VPS13D: variants seen among roughly 807,000 people sequenced by gnomAD.
VPS13D encodes intermembrane lipid transfer protein VPS13D.
Under a neutral mutation model 461.9 loss-of-function variants are expected in VPS13D, and 187 were observed. That is an observed-to-expected ratio of 0.40 (90% confidence interval 0.36 to 0.46). The LOEUF is 0.46. VPS13D is among the 20% of genes least tolerant of loss of function. The pLI is 0.60. For missense variants in VPS13D, 4,711 were observed against 5,364.9 expected (o/e 0.88, Z 3.81); for synonymous variants, 1,951 against 1,986.3 (o/e 0.98, Z 0.47).
Position 12,282,720 on chromosome 1 carries a change from C to A in VPS13D, c.4618C>A (p.His1540Asn). The A allele has an allele frequency of 6.2e-7, 1 of 1,605,362 alleles. No individual in the cohort carries two copies. The highest frequency in any genetic ancestry group is 8.5e-7 in the Non-Finnish European group (1 of 1,173,418). Reference sequence around the variant, plus strand: ...TTCAATACAGGTGGTGTTAGCAAAGCATGTATATGAGCAGGTTTTACAAAC... The same window carrying A: ...TTCAATACAGGTGGTGTTAGCAAAGAATGTATATGAGCAGGTTTTACAAAC... ...VNPVQVVLAK[H>N]VYEQVLQTLD... The change falls in exon 21 of 70, where the codon CAT becomes AAT. Residue 1540 changes from histidine to asparagine, a missense_variant. By Grantham distance (68) the His-to-Asn change is moderately conservative. Around this residue, in one of 3 missense-constraint regions of VPS13D, gnomAD observed 4,411 missense variants for 4,937.8 expected, o/e 0.89. Coordinates refer to ENST00000620676, the MANE Select transcript of VPS13D (RefSeq NM_015378.4).
At chr1:12,371,092 G>A (rs1268435207) in intron 54 of VPS13D, among the ~76,000 whole-genome samples, 4 of 152,054 alleles carry the variant, frequency 2.6e-5, no homozygotes, top group Non-Finnish European at 1.5e-5. Context: ...GTATTTTAAA[G>A]TGAACAGTTC....
At chr1:12,469,351 G>T (rs1016911723) in intron 67 of VPS13D, among the ~76,000 whole-genome samples, 2 of 152,154 alleles carry the variant, frequency 1.3e-5, no homozygotes, top group Non-Finnish European at 2.9e-5. Flanking sequence ...GAGTTTTCCA[G>T]AAGCTACACA....
intron 63 of VPS13D, among the ~76,000 whole-genome samples, chr1:12,404,884 T>G (rs956244043): frequency 1.6e-4 from 25 of 152,146 alleles, no homozygotes; most frequent in African/African-American, 5.8e-4. Context: ...CTTGGACCCA[T>G]TGGTTCTGGT....
At chr1:12,290,498 G>A (rs1447782541) in intron 22 of VPS13D, among the ~76,000 whole-genome samples, 1 of 152,046 alleles carries the variant, frequency 6.6e-6, no homozygotes, top group African/African-American at 2.4e-5. Flanking sequence ...CAAGGCGGGC[G>A]GATCATGAGG....
chr1:12,506,810 G>T (rs766381476), intron 68 of VPS13D, 43 bp from the exon 69 acceptor site: 1 of 1,595,532 alleles, frequency 6.3e-7, no homozygotes, highest in South Asian at 1.1e-5. Context: ...GATGCTGGGC[G>T]AAGCCCCAGG....
At position 12,279,663 on chromosome 1, in the gene VPS13D, CA is replaced by C. The variant is rs772421948; in HGVS notation, c.4602+14del. On this transcript the variant is annotated intron_variant, in intron 20 of 69. Coordinates refer to ENST00000620676, the MANE Select transcript of VPS13D (RefSeq NM_015378.4). This position sits in a 1 kb window ranked among gnomAD's most constrained non-coding sequence, Gnocchi z 4.3. Reference sequence around the variant, plus strand: ...CAATCCAGTTCAGGTAAATTCATGTCAGGGCAGTTGAAGTCATATGTTTATA... The same window carrying C: ...CAATCCAGTTCAGGTAAATTCATGTCGGGCAGTTGAAGTCATATGTTTATA... 3 of 1,603,254 alleles carry C rather than the reference CA, an allele frequency of 1.9e-6. No individual in the cohort carries two copies. The African/African-American group carries it at 4.0e-5, about 21-fold the overall frequency.
At chr1:12,316,534 A>C (rs920791947) in intron 30 of VPS13D, among the ~76,000 whole-genome samples, 2 of 152,200 alleles carry the variant, frequency 1.3e-5, no homozygotes, top group Non-Finnish European at 2.9e-5. Flanking sequence ...TACTGAGGGC[A>C]ACATTTTTTC....
chr1:12,416,613 A>G, intron 64 of VPS13D, 47 bp from the exon 65 acceptor site: 1 of 1,583,316 alleles, frequency 6.3e-7, no homozygotes, highest in Non-Finnish European at 8.6e-7. Context: ...ATCTGCAAAT[A>G]TAAGTAGATG....
intron 65 of VPS13D, among the ~76,000 whole-genome samples, chr1:12,419,860 T>A (rs1013909427): frequency 1.3e-5 from 2 of 152,210 alleles, no homozygotes; most frequent in Non-Finnish European, 2.9e-5. Context: ...TCATAGAGTA[T>A]ACTTACACAA....
At chr1:12,458,885 T>C (rs1645366157) in intron 66 of VPS13D, among the ~76,000 whole-genome samples, 1 of 152,248 alleles carries the variant, frequency 6.6e-6, no homozygotes, top group Non-Finnish European at 1.5e-5. Context: ...GCTGTCAACT[T>C]GCAAAATGTT....
intron 46 of VPS13D, among the ~76,000 whole-genome samples, chr1:12,349,694 A>G (rs535479234): frequency 8.5e-5 from 13 of 152,204 alleles, no homozygotes; most frequent in Non-Finnish European, 1.6e-4. Flanking sequence ...GAAAATAACG[A>G]GTTCTCATTC....
intron 1 of VPS13D, among the ~76,000 whole-genome samples, chr1:12,232,637 C>CTTTTTTT (rs772757546): frequency 3.8e-4 from 27 of 71,012 alleles, no homozygotes; most frequent in Middle Eastern, 9.8e-3. Context: ...TAAAATTAGT[C>CTTTTTTT]TTTTTTTTTT....
In VPS13D at chr1:12,505,466, A is replaced by C. The variant is rs1041872400; in HGVS notation, c.12795-1387A>C. Among the ~76,000 whole-genome samples the C allele has an allele frequency of 2.6e-5, 4 of 152,248 alleles. No individual in the cohort carries two copies. Among genetic ancestry groups the C allele is most frequent in the African/African-American group, 9.6e-5 (4 of 41,466 alleles). ...CATTGCCAACCAGTTAGAATAGAAC[A>C]ATAAATCCCAGTTTTTGTCATGGGC... On this transcript the variant is annotated intron_variant, in intron 68 of 69. Transcript: ENST00000620676. This position sits in a 1 kb window ranked among gnomAD's most constrained non-coding sequence, Gnocchi z 4.2.
chr1:12,450,409 G>A lies in VPS13D; in HGVS notation c.12334-5589G>A, dbSNP rs534926673. On this transcript the variant is annotated intron_variant, in intron 65 of 69. Coordinates refer to ENST00000620676, the MANE Select transcript of VPS13D (RefSeq NM_015378.4). ...GATTAGAATTAGAGCTGTGCTGGTA[G>A]CTGAGGTTTGCAGCTGTACAACCTT... Among the ~76,000 whole-genome samples, 3 of 152,314 alleles carry A rather than the reference G, an allele frequency of 2.0e-5. No homozygotes were observed. The East Asian group carries it at 5.8e-4, about 29-fold the overall frequency.
At chr1:12,281,889 A>T (rs1018526728) in intron 20 of VPS13D, among the ~76,000 whole-genome samples, 12 of 144,266 alleles carry the variant, frequency 8.3e-5, no homozygotes, top group Admixed American at 2.1e-4. Flanking sequence ...TTGCCTGAAA[A>T]TTTTTTTTTT....
At chr1:12,387,279 G>A (rs543800458) in intron 60 of VPS13D, among the ~76,000 whole-genome samples, 8 of 152,308 alleles carry the variant, frequency 5.3e-5, no homozygotes, top group East Asian at 3.9e-4. Context: ...AGGAAGATCC[G>A]AAAGAATCAA....
chr1:12,343,141 A>G, intron 42 of VPS13D, 90 bp downstream of exon 42: 1 of 1,068,300 alleles, frequency 9.4e-7, no homozygotes, highest in Non-Finnish European at 1.3e-6. Flanking sequence ...TTCCTTATAA[A>G]TGATTTTATT....
At chr1:12,451,565 G>A (rs2100381976) in intron 65 of VPS13D, among the ~76,000 whole-genome samples, 1 of 152,310 alleles carries the variant, frequency 6.6e-6, no homozygotes, top group Non-Finnish European at 1.5e-5. Context: ...TACAAAATGA[G>A]GTAGGCAGAC....
intron 62 of VPS13D, 65 bp from the exon 63 acceptor site, chr1:12,403,760 T>C: frequency 6.9e-7 from 1 of 1,450,530 alleles, no homozygotes. Flanking sequence ...GAATACAAAG[T>C]GGATTCTGTG....
Sources: allele counts gnomAD v4.1 joint callset (sites outside exome capture counted in the v4.1 genomes callset), GRCh38; gene constraint gnomAD v4.1.1; regional missense constraint gnomAD v4.1.1; non-coding constraint Gnocchi (gnomAD v3.1); transcripts MANE v1.5; gene names NCBI Gene and HGNC (gene_info 2026-07-23, HGNC 2026-07-21).